The following FNDC3A variants were observed in gnomAD, a reference collection of about 807,000 sequenced individuals.
FNDC3A encodes the protein fibronectin type III domain containing 3A.
FNDC3A carries 32 observed loss-of-function variants against 148.9 expected under a neutral mutation model. That is an observed-to-expected ratio of 0.21 (90% CI 0.16 to 0.29). The LOEUF is 0.29. Among genes scored for constraint, FNDC3A ranks in the 10% least tolerant of loss-of-function variants. The pLI, the probability that FNDC3A is intolerant of heterozygous loss-of-function variation, is 1.00. For missense variants in FNDC3A, 1,191 were observed against 1,452.8 expected (o/e 0.82, Z 2.93); for synonymous variants, 472 against 473.6 (o/e 1.00, Z 0.04).
At position 49,198,062 on chromosome 13, in the gene FNDC3A, C is replaced by T. The variant is rs1886240445; in HGVS notation, c.2571C>T (p.Thr857=). ...VTPPSVPGIV[T]CLQEISDDEI... ...CACCATCAGTTCCTGGCATTGTGAC[C>T]TGTCTTCAAGAAATAAGCGATGATG... The change falls in exon 22 of 26, where the codon ACC becomes ACT. Residue 857 remains threonine, a synonymous_variant. Coordinates refer to ENST00000492622, the MANE Select transcript of FNDC3A (RefSeq NM_001079673.2). 1 of 1,613,968 alleles carries T rather than the reference C, an allele frequency of 6.2e-7. No individual in the cohort carries two copies. The highest frequency in any genetic ancestry group is 8.5e-7 in the Non-Finnish European group (1 of 1,179,994).
intron 19 of FNDC3A, among the ~76,000 whole-genome samples, chr13:49,196,459 T>A (rs1886158712): frequency 6.6e-6 from 1 of 152,212 alleles, no homozygotes; most frequent in Non-Finnish European, 1.5e-5. Flanking sequence ...TGGTAAAATT[T>A]GATATGGAAT....
chr13:49,121,729 A>C (rs531480134), intron 4 of FNDC3A, among the ~76,000 whole-genome samples: 10 of 152,336 alleles, frequency 6.6e-5, no homozygotes, highest in African/African-American at 2.4e-4. Flanking sequence ...CCTCTATGCA[A>C]ATAAACTAGA....
chr13:49,158,996 A>G (rs1004603887), intron 8 of FNDC3A, among the ~76,000 whole-genome samples: 1 of 152,226 alleles, frequency 6.6e-6, no homozygotes. Flanking sequence ...TTTTCTTACC[A>G]GTAACATGCT....
At chr13:48,989,908 T>C (rs1258124182) in intron 1 of FNDC3A, among the ~76,000 whole-genome samples, 1 of 152,064 alleles carries the variant, frequency 6.6e-6, no homozygotes, top group Non-Finnish European at 1.5e-5. Flanking sequence ...CATGCCACCA[T>C]GCCCAGCTAA....
chr13:48,976,095 TG>T lies in FNDC3A; in HGVS notation c.-121del. 6.6e-6 allele frequency: 1 copy of T among 152,256 alleles called. No individual in the cohort carries two copies. 9.4% of individuals were successfully genotyped at this position (152,256 alleles called of 1,614,324 possible). Reference sequence around the variant, plus strand: ...CGGCCCTGAGAGCTGACTCTGCAGCTGAGGTAGAGAGACAACGATCAGGAAC... The same window carrying T: ...CGGCCCTGAGAGCTGACTCTGCAGCTAGGTAGAGAGACAACGATCAGGAAC... On this transcript the variant is annotated 5_prime_UTR_variant, in exon 1 of 26. Transcript: ENST00000492622.
At chr13:49,161,291 A>T (rs1352510921) in intron 8 of FNDC3A, among the ~76,000 whole-genome samples, 7 of 151,834 alleles carry the variant, frequency 4.6e-5, no homozygotes, top group Non-Finnish European at 1.0e-4. Flanking sequence ...TTGCTTTATG[A>T]ATCTGGGTGT....
intron 4 of FNDC3A, among the ~76,000 whole-genome samples, chr13:49,116,155 A>G (rs548177581): frequency 6.6e-6 from 1 of 152,030 alleles, no homozygotes; most frequent in South Asian, 2.1e-4. Flanking sequence ...TTTTCGTTTT[A>G]TTTTTTGTGG....
At chr13:49,013,273 C>T (rs1255867233) in intron 2 of FNDC3A, among the ~76,000 whole-genome samples, 2 of 152,094 alleles carry the variant, frequency 1.3e-5, no homozygotes, top group African/African-American at 4.8e-5. Context: ...TGTGATTATG[C>T]AACTGTGTTC....
At position 49,145,950 on chromosome 13, in the gene FNDC3A, T is replaced by G; in HGVS notation, c.977+15T>G. 1 of 1,589,042 alleles carries G rather than the reference T, an allele frequency of 6.3e-7. No homozygotes were observed. The highest frequency in any genetic ancestry group is 1.1e-5 in the South Asian group (1 of 87,196). On this transcript the variant is annotated intron_variant, in intron 8 of 25. Coordinates refer to ENST00000492622, the MANE Select transcript of FNDC3A (RefSeq NM_001079673.2). Reference sequence around the variant, plus strand: ...AGTGTATATGTGTAGGTATTTGTTGTTTTGCTTTCTCCCATTGTGTAAATT... The same window carrying G: ...AGTGTATATGTGTAGGTATTTGTTGGTTTGCTTTCTCCCATTGTGTAAATT...
chr13:49,089,024 G>T (rs1314587277), intron 3 of FNDC3A, among the ~76,000 whole-genome samples: 1 of 152,148 alleles, frequency 6.6e-6, no homozygotes, highest in African/African-American at 2.4e-5. Context: ...TGGTTGCTAG[G>T]GACTAGAGGG....
At chr13:49,073,731 T>C (rs1427012825) in intron 2 of FNDC3A, among the ~76,000 whole-genome samples, 3 of 146,672 alleles carry the variant, frequency 2.0e-5, no homozygotes, top group African/African-American at 7.5e-5. Context: ...ATAATATATA[T>C]GTATATATAA....
intron 14 of FNDC3A, among the ~76,000 whole-genome samples, chr13:49,180,045 A>G (rs929028812): frequency 7.2e-5 from 11 of 152,328 alleles, no homozygotes; most frequent in African/African-American, 2.4e-4. Context: ...TAAATAGACA[A>G]TTACAACACA....
At chr13:48,999,833 A>T (rs180674163) in intron 1 of FNDC3A, among the ~76,000 whole-genome samples, 3 of 152,186 alleles carry the variant, frequency 2.0e-5, no homozygotes, top group Admixed American at 6.5e-5. Flanking sequence ...GGCAACAGCA[A>T]GAAGATAGCC....
At chr13:49,118,880 G>A (rs761510668) in intron 4 of FNDC3A, among the ~76,000 whole-genome samples, 8 of 152,210 alleles carry the variant, frequency 5.3e-5, no homozygotes, top group Non-Finnish European at 7.3e-5. Flanking sequence ...TAAAACGCCC[G>A]TCTTCCTGAG....
chr13:48,996,927 G>A (rs1024784799), intron 1 of FNDC3A, among the ~76,000 whole-genome samples: 3 of 152,088 alleles, frequency 2.0e-5, no homozygotes, highest in African/African-American at 7.2e-5. Flanking sequence ...GCTGGGCATG[G>A]TGGCAAGCGC....
chr13:48,981,294 CTA>C (rs1951689956), intron 1 of FNDC3A, among the ~76,000 whole-genome samples: 1 of 152,024 alleles, frequency 6.6e-6, no homozygotes, highest in African/African-American at 2.4e-5. Flanking sequence ...CACTTATTAC[CTA>C]TATGATTTTG....
At chr13:49,129,121 G>T (rs1881878378) in intron 4 of FNDC3A, among the ~76,000 whole-genome samples, 1 of 152,156 alleles carries the variant, frequency 6.6e-6, no homozygotes. Flanking sequence ...TTCCCTCTTT[G>T]AATTATCAGT....
At chr13:49,131,021 C>T in intron 4 of FNDC3A, 116 bp from the exon 5 acceptor site, 2 of 751,744 alleles carry the variant, frequency 2.7e-6, no homozygotes, top group Non-Finnish European at 4.5e-6. Context: ...CTGCCTCAGC[C>T]TCCCAAAGTG....
chr13:49,114,769 A>G (rs373803562), intron 4 of FNDC3A, 38 bp downstream of exon 4: 4 of 1,281,244 alleles, frequency 3.1e-6, no homozygotes, highest in South Asian at 1.2e-5. Flanking sequence ...ATATTTGTAT[A>G]ATAGTGATAA....
Sources: gnomAD v4.1 joint callset for allele counts (sites outside exome capture counted in the v4.1 genomes callset) on GRCh38, gnomAD v4.1.1 for gene constraint, MANE v1.5 for transcripts, NCBI Gene and HGNC (gene_info 2026-07-23, HGNC 2026-07-21) for gene names.